The following PDZD2 variants were observed in gnomAD, a reference collection of about 807,000 sequenced individuals.
PDZD2 encodes the protein PDZ domain-containing protein 2.
In PDZD2, 90 loss-of-function variants were observed where a neutral mutation model predicts 220.7. The ratio of observed to expected loss-of-function variants is 0.41; its 90% CI spans 0.34 to 0.49. The LOEUF (loss-of-function observed/expected upper bound fraction) is 0.49, where lower values mean the gene tolerates loss of function less well. PDZD2 is among the 20% of genes least tolerant of loss of function. PDZD2 has a pLI of 0.28. For synonymous variants in PDZD2, 1,375 were observed against 1,450.5 expected (o/e 0.95, Z 1.18); for missense variants, 3,174 against 3,608.5 (o/e 0.88, Z 3.08).
intron 2 of PDZD2, among the ~76,000 whole-genome samples, chr5:31,924,647 G>A (rs1004040617): frequency 1.3e-5 from 2 of 152,174 alleles, no homozygotes; most frequent in African/African-American, 4.8e-5. Context: ...GTGCTTAGAG[G>A]AGACGCTTGT....
At chr5:31,804,463 C>T (rs555101732) in intron 2 of PDZD2, among the ~76,000 whole-genome samples, 18 of 152,298 alleles carry the variant, frequency 1.2e-4, no homozygotes, top group African/African-American at 1.9e-4. Context: ...CAGTTTCTAC[C>T]GTAGAGGATG....
intron 2 of PDZD2, among the ~76,000 whole-genome samples, chr5:31,832,981 A>G (rs2150272336): frequency 6.6e-6 from 1 of 152,258 alleles, no homozygotes; most frequent in South Asian, 2.1e-4. Flanking sequence ...TCGTTCCACA[A>G]GTCCCATGAG....
chr5:31,965,433 C>CG (rs1004123243), intron 2 of PDZD2, among the ~76,000 whole-genome samples: 11 of 152,124 alleles, frequency 7.2e-5, no homozygotes, highest in East Asian at 1.9e-4. Flanking sequence ...GTTCTACACA[C>CG]GGGGGGATAT....
At chr5:31,966,387 A>G (rs911826073) in intron 2 of PDZD2, among the ~76,000 whole-genome samples, 2 of 152,250 alleles carry the variant, frequency 1.3e-5, no homozygotes. Flanking sequence ...TGCATTTTCA[A>G]CATTTGTGTT....
intron 2 of PDZD2, among the ~76,000 whole-genome samples, chr5:31,832,894 G>A (rs971081981): frequency 3.3e-4 from 48 of 144,950 alleles, no homozygotes; most frequent in Non-Finnish European, 7.3e-4. Context: ...TACAAACCTA[G>A]TGTGTGAGGA....
At chr5:31,904,672 C>G (rs577569661) in intron 2 of PDZD2, among the ~76,000 whole-genome samples, 1 of 151,994 alleles carries the variant, frequency 6.6e-6, no homozygotes, top group African/African-American at 2.4e-5. Context: ...GGACTACAGG[C>G]GCCCACCACC....
intron 1 of PDZD2, among the ~76,000 whole-genome samples, chr5:31,772,167 A>T (rs1248818417): frequency 2.0e-5 from 3 of 152,162 alleles, no homozygotes; most frequent in African/African-American, 7.2e-5. Context: ...AACCTTTTCC[A>T]CCAGTTTTAA....
chr5:32,072,734 A>G (rs896565231), intron 17 of PDZD2, among the ~76,000 whole-genome samples: 1 of 152,218 alleles, frequency 6.6e-6, no homozygotes, highest in African/African-American at 2.4e-5. Flanking sequence ...TGGAAAATGC[A>G]GCCACTGTTA....
At chr5:32,075,150 A>G (rs867478773) in intron 18 of PDZD2, among the ~76,000 whole-genome samples, 4 of 152,066 alleles carry the variant, frequency 2.6e-5, no homozygotes, top group Non-Finnish European at 5.9e-5. Flanking sequence ...TAGTCATGAG[A>G]TCATTTGGCC....
At chr5:31,772,654 T>G (rs1023374350) in intron 1 of PDZD2, among the ~76,000 whole-genome samples, 3 of 152,218 alleles carry the variant, frequency 2.0e-5, no homozygotes, top group Non-Finnish European at 4.4e-5. Flanking sequence ...GACGCAACAT[T>G]AGAATATACT....
chr5:31,978,361 A>T (rs544649865), intron 2 of PDZD2, among the ~76,000 whole-genome samples: 3 of 152,234 alleles, frequency 2.0e-5, no homozygotes, highest in Non-Finnish European at 4.4e-5. Context: ...TGGAAAAGTT[A>T]CATAAATCAT....
At chr5:32,048,470 T>C (rs917259915) in intron 7 of PDZD2, 69 bp from the exon 8 acceptor site, 18 of 1,320,644 alleles carry the variant, frequency 1.4e-5, no homozygotes, top group African/African-American at 2.9e-5. Flanking sequence ...AATGAGTTTA[T>C]GCCTCTGGAT....
At chr5:31,826,926 G>A (rs1156534513) in intron 2 of PDZD2, among the ~76,000 whole-genome samples, 1 of 152,102 alleles carries the variant, frequency 6.6e-6, no homozygotes, top group Non-Finnish European at 1.5e-5. Flanking sequence ...GGGGTGACCT[G>A]CCTCCAAGAC....
chr5:32,061,072 A>G lies in PDZD2; in HGVS notation c.2389A>G (p.Ile797Val). 1 of 1,614,204 alleles carries G rather than the reference A, an allele frequency of 6.2e-7. No homozygotes were observed. The highest frequency in any genetic ancestry group is 8.5e-7 in the Non-Finnish European group (1 of 1,180,008). Reference sequence around the variant, plus strand: ...TGCTGCTTTAAGCAAAGTCCACGCCATCTTGAGTAAATGCCCTCCAGGACC... The same window carrying G: ...TGCTGCTTTAAGCAAAGTCCACGCCGTCTTGAGTAAATGCCCTCCAGGACC... ...RHAALSKVHAILSKCPPGPVR... is the reference protein window; with the variant it reads ...RHAALSKVHAVLSKCPPGPVR... The change falls in exon 14 of 25, where the codon ATC (isoleucine) becomes GTC (valine). Residue 797 changes from isoleucine (I) to valine (V), a missense_variant. By Grantham distance (29) the Ile-to-Val change is conservative (BLOSUM62 3). Coordinates refer to ENST00000438447, the MANE Select transcript of PDZD2 (RefSeq NM_178140.4).
Position 31,878,555 on chromosome 5 carries a change from C to CTTTTT in PDZD2, c.476+78851_476+78855dup, listed in dbSNP as rs397884384. ...TTCTTTGGTGGTCAGATGACCTCGG[C>CTTTTT]TTTTTTTTTTTTTTTTTTTTTTTTG... On this transcript the variant is annotated intron_variant, in intron 2 of 24. Coordinates refer to ENST00000438447, the MANE Select transcript of PDZD2 (RefSeq NM_178140.4). Among the ~76,000 whole-genome samples, 398 of 48,172 alleles carry CTTTTT rather than the reference C, an allele frequency of 8.3e-3. 76 individuals carry two copies. Among genetic ancestry groups the CTTTTT allele is most frequent in the African/African-American group, 0.022 (320 of 14,348 alleles). 31.6% of individuals were successfully genotyped at this position (48,172 alleles called of 152,430 possible).
intron 1 of PDZD2, among the ~76,000 whole-genome samples, chr5:31,707,022 T>C (rs1451535797): frequency 6.6e-6 from 1 of 151,208 alleles, no homozygotes; most frequent in African/African-American, 2.4e-5. Context: ...ATCTTAAGGG[T>C]GGGGCCCTCA....
At chr5:31,640,679 T>C (rs1008618851) in intron 1 of PDZD2, among the ~76,000 whole-genome samples, 1 of 151,896 alleles carries the variant, frequency 6.6e-6, no homozygotes, top group Non-Finnish European at 1.5e-5. Context: ...GGTGGCCAGA[T>C]AGGTACAGGT....
At chr5:31,850,988 G>A (rs997966563) in intron 2 of PDZD2, among the ~76,000 whole-genome samples, 7 of 152,080 alleles carry the variant, frequency 4.6e-5, no homozygotes, top group African/African-American at 1.7e-4. Context: ...GTCCTCTGTA[G>A]AGATGATGAA....
intron 1 of PDZD2, among the ~76,000 whole-genome samples, chr5:31,776,448 T>TA (rs1752649625): frequency 7.3e-6 from 1 of 136,362 alleles, no homozygotes; most frequent in Non-Finnish European, 1.6e-5. Flanking sequence ...ATTGTGTTTT[T>TA]ATTTTATTTA....
Sources: gnomAD v4.1 joint callset for allele counts (sites outside exome capture counted in the v4.1 genomes callset) on GRCh38, gnomAD v4.1.1 for gene constraint, MANE v1.5 for transcripts, NCBI Gene and HGNC (gene_info 2026-07-23, HGNC 2026-07-21) for gene names.